The following WAC variants were observed in gnomAD, a reference collection of about 807,000 sequenced individuals.
WAC encodes WW domain containing adaptor with coiled-coil.
Under a neutral mutation model 79.6 loss-of-function variants are expected in WAC, and 11 were observed. The ratio of observed to expected loss-of-function variants is 0.14; its 90% CI spans 0.09 to 0.23. The LOEUF (loss-of-function observed/expected upper bound fraction) is 0.23, where lower values mean the gene tolerates loss of function less well. Ranked by LOEUF, WAC falls within the 10% of genes least tolerant of loss-of-function variation. WAC has a pLI of 1.00. For synonymous variants in WAC, 304 were observed against 276.9 expected, an observed-to-expected ratio of 1.10 and a Z score of -0.97; for missense variants, 728 against 773.5, an observed-to-expected ratio of 0.94 and a Z score of 0.70.
At chr10:28,609,379 A>C (rs1841115123) in intron 8 of WAC, among the ~76,000 whole-genome samples, 3 of 152,200 alleles carry the variant, frequency 2.0e-5, no homozygotes, top group African/African-American at 7.2e-5. Context: ...AATAAAAATA[A>C]AGTGATCAAT....
chr10:28,569,524 A>G (rs185680264), intron 3 of WAC, among the ~76,000 whole-genome samples: 11 of 152,260 alleles, frequency 7.2e-5, no homozygotes, highest in African/African-American at 2.2e-4. Flanking sequence ...CTCTTATTCT[A>G]TTGTTTGTCG....
chr10:28,610,769 T>C lies in WAC; in HGVS notation c.1236T>C (p.Ser412=). ...IIHKFLTAGP[S]AFNITSLISQ... ...ATAAGTTTCTTACTGCTGGACCATC[T>C]GCTTTCAACATAACGTCTCTGATTT... The change falls in exon 9 of 14, where the codon TCT becomes TCC. Residue 412 remains serine (S), a synonymous_variant. Coordinates refer to ENST00000354911, the MANE Select transcript of WAC (RefSeq NM_016628.5). 9 of 1,612,846 alleles carry C rather than the reference T, an allele frequency of 5.6e-6. No homozygotes were observed. The highest frequency in any genetic ancestry group is 6.8e-6 in the Non-Finnish European group (8 of 1,179,742).
intron 3 of WAC, among the ~76,000 whole-genome samples, chr10:28,555,490 C>G (rs1473208763): frequency 6.6e-6 from 1 of 151,774 alleles, no homozygotes; most frequent in African/African-American, 2.4e-5. Flanking sequence ...GCAACCAGGT[C>G]TTGGGGTTGG....
chr10:28,596,567 C>T (rs535200245), intron 7 of WAC, among the ~76,000 whole-genome samples: 5 of 152,140 alleles, frequency 3.3e-5, no homozygotes, highest in African/African-American at 1.2e-4. Context: ...ACCCAAATTG[C>T]GTTTATCCAA....
intron 3 of WAC, among the ~76,000 whole-genome samples, chr10:28,556,516 G>A (rs921468501): frequency 4.9e-5 from 7 of 144,206 alleles, no homozygotes; most frequent in African/African-American, 1.5e-4. Flanking sequence ...TTGTTTTTTC[G>A]TTTTGTTGAT....
intron 3 of WAC, among the ~76,000 whole-genome samples, chr10:28,581,966 A>T (rs776864524): frequency 2.6e-5 from 4 of 152,244 alleles, no homozygotes; most frequent in Non-Finnish European, 4.4e-5. Context: ...GTACAGCAAG[A>T]TGAAATCAAA....
chr10:28,569,982 C>CT (rs1441286901), intron 3 of WAC, among the ~76,000 whole-genome samples: 1 of 152,168 alleles, frequency 6.6e-6, no homozygotes, highest in East Asian at 1.9e-4. Flanking sequence ...CTCTGGTTGT[C>CT]TCAGCATAAA....
chr10:28,552,777 G>A (rs1036517482), intron 3 of WAC, among the ~76,000 whole-genome samples: 1 of 150,846 alleles, frequency 6.6e-6, no homozygotes, highest in African/African-American at 2.4e-5. Flanking sequence ...GAACAGTCTT[G>A]GGATCTGGAT....
intron 3 of WAC, among the ~76,000 whole-genome samples, chr10:28,549,764 C>G (rs1041807578): frequency 6.6e-6 from 1 of 152,096 alleles, no homozygotes. Flanking sequence ...ATTTTCTTAT[C>G]TAATGTACAT....
chr10:28,597,943 C>T (rs924158083), intron 7 of WAC, among the ~76,000 whole-genome samples: 12 of 152,082 alleles, frequency 7.9e-5, no homozygotes, highest in Admixed American at 2.0e-4. Context: ...CATCTCTCTC[C>T]GTTTGTTAAT....
At chr10:28,602,190 A>C (rs1368571274) in intron 7 of WAC, among the ~76,000 whole-genome samples, 1 of 152,162 alleles carries the variant, frequency 6.6e-6, no homozygotes, top group African/African-American at 2.4e-5. Flanking sequence ...GGAGTGTGTA[A>C]GTGGGTCTTG....
intron 7 of WAC, among the ~76,000 whole-genome samples, chr10:28,604,278 G>T (rs1194522903): frequency 6.6e-6 from 1 of 150,634 alleles, no homozygotes; most frequent in African/African-American, 2.4e-5. Context: ...CAGTTTTGAG[G>T]CCAATCAAGA....
intron 3 of WAC, among the ~76,000 whole-genome samples, chr10:28,559,136 A>ATTGTGTGTGTGTGTGTG (rs1554780979): frequency 4.8e-5 from 7 of 146,762 alleles, no homozygotes; most frequent in South Asian, 4.5e-4. Context: ...GAGAAACCTG[A>ATTGTGTGTGTGTGTGTG]TGTGTGTGTG....
intron 3 of WAC, among the ~76,000 whole-genome samples, chr10:28,547,012 C>T (rs1015212566): frequency 6.6e-6 from 1 of 151,462 alleles, no homozygotes; most frequent in Non-Finnish European, 1.5e-5. Flanking sequence ...GATACTTTGT[C>T]GATATTTTTG....
At chr10:28,563,203 C>A (rs1325255013) in intron 3 of WAC, among the ~76,000 whole-genome samples, 1 of 152,090 alleles carries the variant, frequency 6.6e-6, no homozygotes, top group African/African-American at 2.4e-5. Flanking sequence ...CCGCATGTGG[C>A]CGAGCATTTT....
At chr10:28,535,783 T>G in intron 3 of WAC, 26 bp downstream of exon 3, 1 of 1,577,876 alleles carries the variant, frequency 6.3e-7, no homozygotes. Flanking sequence ...GTTGAAACTT[T>G]GACATACAGT....
At chr10:28,564,826 C>T (rs1838507141) in intron 3 of WAC, among the ~76,000 whole-genome samples, 1 of 152,146 alleles carries the variant, frequency 6.6e-6, no homozygotes. Context: ...CCCATTGTCT[C>T]TATTGAGATT....
intron 3 of WAC, among the ~76,000 whole-genome samples, chr10:28,537,396 A>G (rs1436015175): frequency 6.6e-6 from 1 of 152,204 alleles, no homozygotes; most frequent in South Asian, 2.1e-4. Flanking sequence ...TGGTTGTACT[A>G]TACTGTATTT....
Position 28,611,771 on chromosome 10 carries a change from C to T in WAC, c.1289-3C>T. 1 of 1,605,256 alleles carries T rather than the reference C, an allele frequency of 6.2e-7. No individual in the cohort carries two copies. Among genetic ancestry groups the T allele is most frequent in the South Asian group, 1.1e-5 (1 of 88,598 alleles). ...TAAAATTAATTGCTTCCCTCTTTTA[C>T]AGCCCAGCCATCTAATCAGTCTCCG... On this transcript the variant is annotated splice_polypyrimidine_tract_variant and splice_region_variant and intron_variant, in intron 9 of 13. Coordinates refer to ENST00000354911, the MANE Select transcript of WAC (RefSeq NM_016628.5).
Sources: gnomAD v4.1 joint callset for allele counts (sites outside exome capture counted in the v4.1 genomes callset) on GRCh38, gnomAD v4.1.1 for gene constraint, MANE v1.5 for transcripts, NCBI Gene and HGNC (gene_info 2026-07-23, HGNC 2026-07-21) for gene names.